The following DPY19L1 variants were observed in gnomAD, a reference collection of about 807,000 sequenced individuals.
The protein encoded by DPY19L1 is dpy-19 like C-mannosyltransferase 1.
DPY19L1 carries 35 observed loss-of-function variants against 96.9 expected under a neutral mutation model. The ratio of observed to expected loss-of-function variants is 0.36; its 90% CI spans 0.28 to 0.48. DPY19L1 has a LOEUF of 0.48. Ranked by LOEUF, DPY19L1 falls within the 20% of genes least tolerant of loss-of-function variation. The pLI, the probability that DPY19L1 is intolerant of heterozygous loss-of-function variation, is 0.99. For synonymous variants in DPY19L1, 205 were observed against 252.6 expected, an observed-to-expected ratio of 0.81 and a Z score of 1.79; for missense variants, 521 against 777.9, an observed-to-expected ratio of 0.67 and a Z score of 3.93.
rs1785504178 is a variant in DPY19L1, at chr7:35,004,423, A to C, written c.764+6045T>G. Among the ~76,000 whole-genome samples the C allele has an allele frequency of 5.3e-5, 8 of 152,358 alleles. No individual in the cohort carries two copies. The South Asian group carries it at 1.7e-3, about 32-fold the overall frequency. On this transcript the variant is annotated intron_variant, in intron 6 of 21. Transcript: ENST00000638088. ...AAACACATGAGTGGCACAATCATAA[A>C]GAAAAACAAGGAAAACATTGGTCCA...
rs141105467 is a variant in DPY19L1, at chr7:34,948,481, C to T, written c.1423-780G>A. On this transcript the variant is annotated intron_variant, in intron 14 of 21. Transcript: ENST00000638088. ...CTGAACTGACAGTACTCTGTCTCTACAGCACAGTCCCTATGAATTAAGATA... is the reference window on the plus strand; with the variant it reads ...CTGAACTGACAGTACTCTGTCTCTATAGCACAGTCCCTATGAATTAAGATA... 2.0e-3 allele frequency among the ~76,000 whole-genome samples: 311 copies of T among 152,290 alleles called. 1 individual carries two copies. Among genetic ancestry groups the T allele is most frequent in the African/African-American group, 6.9e-3 (285 of 41,572 alleles).
intron 10 of DPY19L1, among the ~76,000 whole-genome samples, chr7:34,958,737 T>C (rs952631395): frequency 2.0e-5 from 3 of 152,348 alleles, no homozygotes; most frequent in African/African-American, 7.2e-5. Context: ...TTCCTATGGA[T>C]ATATATTCTG....
At chr7:34,965,696 T>C (rs1471942334) in intron 10 of DPY19L1, among the ~76,000 whole-genome samples, 1 of 152,100 alleles carries the variant, frequency 6.6e-6, no homozygotes, top group East Asian at 1.9e-4. Context: ...ATGAAAATAA[T>C]GGGATATTAT....
At chr7:34,935,105 T>C (rs1410827862) in intron 21 of DPY19L1, among the ~76,000 whole-genome samples, 1 of 152,224 alleles carries the variant, frequency 6.6e-6, no homozygotes, top group Non-Finnish European at 1.5e-5. Context: ...ATGGGTTTTC[T>C]ACCTTGTAAT....
intron 4 of DPY19L1, among the ~76,000 whole-genome samples, chr7:35,012,064 T>G (rs1785724107): frequency 6.6e-6 from 1 of 152,242 alleles, no homozygotes; most frequent in East Asian, 1.9e-4. Context: ...GACTGGTGCC[T>G]GAAAGCTTGA....
At chr7:35,007,998 C>A (rs1219841190) in intron 6 of DPY19L1, among the ~76,000 whole-genome samples, 2 of 152,038 alleles carry the variant, frequency 1.3e-5, no homozygotes, top group Non-Finnish European at 2.9e-5. Flanking sequence ...CACAACACTC[C>A]CTGAAGAACA....
chr7:34,979,449 C>T (rs1338202756), intron 7 of DPY19L1, among the ~76,000 whole-genome samples: 3 of 151,974 alleles, frequency 2.0e-5, no homozygotes, highest in African/African-American at 7.2e-5. Flanking sequence ...GAAATAAAAA[C>T]AATTCAGGTT....
intron 14 of DPY19L1, among the ~76,000 whole-genome samples, chr7:34,949,120 C>A (rs1479359743): frequency 1.3e-5 from 2 of 152,196 alleles, no homozygotes; most frequent in African/African-American, 4.8e-5. Flanking sequence ...CACATATATA[C>A]ATGCTTGTCG....
intron 21 of DPY19L1, among the ~76,000 whole-genome samples, chr7:34,935,626 C>T (rs1171048214): frequency 6.6e-6 from 1 of 152,118 alleles, no homozygotes; most frequent in African/African-American, 2.4e-5. Flanking sequence ...TCTTCCCCTT[C>T]CTCTCCTAAC....
chr7:34,989,984 T>C (rs1477913221), intron 6 of DPY19L1, 43 bp from the exon 7 acceptor site: 1 of 1,556,294 alleles, frequency 6.4e-7, no homozygotes, highest in Admixed American at 1.9e-5. Context: ...AAAATTCAGG[T>C]CAATCCTAAG....
chr7:34,967,681 T>C (rs1299507738), intron 9 of DPY19L1, among the ~76,000 whole-genome samples: 1 of 152,144 alleles, frequency 6.6e-6, no homozygotes, highest in African/African-American at 2.4e-5. Context: ...CCCTTCCTCA[T>C]AGAGAAAGCA....
At chr7:34,934,772 C>G (rs1290148379) in intron 21 of DPY19L1, among the ~76,000 whole-genome samples, 1 of 152,228 alleles carries the variant, frequency 6.6e-6, no homozygotes, top group Non-Finnish European at 1.5e-5. Context: ...AATGCTGCCA[C>G]TCATCTGACA....
chr7:35,001,929 T>C (rs1212011747), intron 6 of DPY19L1, among the ~76,000 whole-genome samples: 1 of 151,554 alleles, frequency 6.6e-6, no homozygotes, highest in Non-Finnish European at 1.5e-5. Flanking sequence ...ATTGAGACAA[T>C]CCTGGCCAAC....
chr7:34,941,571 A>G (rs1213406053), intron 18 of DPY19L1, among the ~76,000 whole-genome samples, 194 bp downstream of exon 18: 1 of 152,232 alleles, frequency 6.6e-6, no homozygotes, highest in Admixed American at 6.5e-5. Flanking sequence ...GTTGTACACC[A>G]ACAACTATTT....
At chr7:34,933,913 G>A (rs1783810485) in intron 21 of DPY19L1, among the ~76,000 whole-genome samples, 2 of 152,118 alleles carry the variant, frequency 1.3e-5, no homozygotes, top group South Asian at 4.2e-4. Context: ...GCCTCACCTT[G>A]TGATCGTGTG....
chr7:34,976,149 A>T (rs1158327425), intron 7 of DPY19L1, among the ~76,000 whole-genome samples: 2 of 152,244 alleles, frequency 1.3e-5, no homozygotes, highest in African/African-American at 4.8e-5. Context: ...AATGAAATTT[A>T]AATCTTCTGG....
intron 7 of DPY19L1, among the ~76,000 whole-genome samples, chr7:34,981,331 T>C (rs1784934851): frequency 6.6e-6 from 1 of 152,134 alleles, no homozygotes; most frequent in South Asian, 2.1e-4. Context: ...CACCATTAAA[T>C]GTAGATGAAA....
At chr7:34,947,074 G>A (rs988736646) in intron 15 of DPY19L1, among the ~76,000 whole-genome samples, 3 of 152,164 alleles carry the variant, frequency 2.0e-5, no homozygotes, top group African/African-American at 7.2e-5. Context: ...GTTACAGAGT[G>A]CACAATTCTT....
chr7:34,983,011 T>A (rs566374729), intron 7 of DPY19L1, among the ~76,000 whole-genome samples: 15 of 152,332 alleles, frequency 9.8e-5, no homozygotes, highest in African/African-American at 3.6e-4. Context: ...AGTTGGAGAC[T>A]GAGACAAAGA....
Sources: allele counts gnomAD v4.1 joint callset (sites outside exome capture counted in the v4.1 genomes callset), GRCh38; gene constraint gnomAD v4.1.1; transcripts MANE v1.5; gene names NCBI Gene and HGNC (gene_info 2026-07-23, HGNC 2026-07-21).